The following RSPO2 variants were observed in gnomAD, a reference collection of about 807,000 sequenced individuals.
RSPO2 encodes R-spondin-2.
A neutral mutation model predicts 30.9 loss-of-function variants in RSPO2; 14 were observed. The observed-to-expected ratio is 0.45, with a 90% confidence interval of 0.30 to 0.71. RSPO2 has a LOEUF of 0.71. Among genes scored for constraint, RSPO2 ranks in the 30% least tolerant of loss-of-function variants. The pLI is 0.08. For synonymous variants in RSPO2, 107 were observed against 96.4 expected, an observed-to-expected ratio of 1.11 and a Z score of -0.64; for missense variants, 264 against 301.9, an observed-to-expected ratio of 0.87 and a Z score of 0.93.
chr8:107,930,513 G>A (rs779697980), intron 5 of RSPO2, among the ~76,000 whole-genome samples: 3 of 152,138 alleles, frequency 2.0e-5, no homozygotes, highest in Non-Finnish European at 2.9e-5. Context: ...AATGTTGTAG[G>A]TTTACTCATT....
rs1813280011 is a variant in RSPO2, at chr8:108,083,414, G to C, written c.-387C>G. 1 of 152,232 alleles carries C rather than the reference G, an allele frequency of 6.6e-6. No individual in the cohort carries two copies. Among genetic ancestry groups the C allele is most frequent in the South Asian group, 2.1e-4 (1 of 4,838 alleles). 9.4% of individuals were successfully genotyped at this position (152,232 alleles called of 1,614,324 possible). On this transcript the variant is annotated 5_prime_UTR_variant, in exon 1 of 6. Transcript: ENST00000276659. ...GCAGCCACTGGGATGCTCCGTCCCC[G>C]CCCGCGAGCGCGGTCCCCAGGCAAG...
intron 2 of RSPO2, among the ~76,000 whole-genome samples, chr8:108,057,952 T>C (rs1049648952): frequency 2.6e-5 from 4 of 152,192 alleles, no homozygotes; most frequent in African/African-American, 4.8e-5. Context: ...CTTTTCCTAA[T>C]TGAAAACCCT....
chr8:108,051,460 T>C (rs1812077616), intron 2 of RSPO2, among the ~76,000 whole-genome samples: 1 of 152,132 alleles, frequency 6.6e-6, no homozygotes, highest in Non-Finnish European at 1.5e-5. Flanking sequence ...ATGTGTAGAC[T>C]GGAAGTCAAA....
chr8:107,998,596 A>G (rs1199517203), intron 2 of RSPO2, among the ~76,000 whole-genome samples: 2 of 152,216 alleles, frequency 1.3e-5, no homozygotes, highest in African/African-American at 2.4e-5. Flanking sequence ...AATAAATACC[A>G]TGATTAAAAA....
intron 2 of RSPO2, among the ~76,000 whole-genome samples, chr8:108,010,668 A>C (rs532442706): frequency 7.0e-4 from 106 of 152,246 alleles, no homozygotes; most frequent in African/African-American, 2.4e-3. Context: ...GCAGATGCAG[A>C]AGAGTGAAGA....
chr8:108,048,933 A>T (rs1811990265), intron 2 of RSPO2, among the ~76,000 whole-genome samples: 1 of 152,186 alleles, frequency 6.6e-6, no homozygotes, highest in Admixed American at 6.6e-5. Flanking sequence ...TTTAGCCAGT[A>T]GTCATTCAGG....
chr8:108,074,436 ACAC>A (rs767134758), intron 2 of RSPO2, among the ~76,000 whole-genome samples: 4 of 152,214 alleles, frequency 2.6e-5, no homozygotes, highest in Non-Finnish European at 4.4e-5. Flanking sequence ...ACATGCACAC[ACAC>A]ATTTGTTCTG....
rs1405295914 is a variant in RSPO2 at position 107,989,231 on chromosome 8, T to G, written c.108A>C (p.Ser36=). The change falls in exon 3 of 6, where the codon TCA becomes TCC. Residue 36 remains serine (S), a synonymous_variant. Coordinates refer to ENST00000276659, the MANE Select transcript of RSPO2 (RefSeq NM_178565.5). The stretch of plus-strand genomic sequence containing the variant: ...ACAAACAACCCTTGCAAATGGGATT[T>G]GATACATAACTAGCTGTAAAAGAAA... The part of the protein sequence containing the change: ...WRRSKRASYV[S]NPICKGCLSC... The G allele has an allele frequency of 6.4e-7, 1 of 1,570,520 alleles. No individual in the cohort carries two copies. The highest frequency in any genetic ancestry group is 1.4e-5 in the African/African-American group (1 of 72,298).
intron 3 of RSPO2, 64 bp downstream of exon 3, chr8:107,988,992 C>CA: frequency 2.2e-6 from 3 of 1,382,136 alleles, no homozygotes; most frequent in Non-Finnish European, 3.0e-6. Context: ...TCAAAATCTT[C>CA]AACTTAGCTC....
At chr8:108,047,559 A>C (rs1197257994) in intron 2 of RSPO2, among the ~76,000 whole-genome samples, 1 of 152,138 alleles carries the variant, frequency 6.6e-6, no homozygotes, top group Non-Finnish European at 1.5e-5. Flanking sequence ...GCCTTTTGGA[A>C]GCCTGTGGTC....
At chr8:108,008,024 C>T (rs753770194) in intron 2 of RSPO2, among the ~76,000 whole-genome samples, 31 of 152,266 alleles carry the variant, frequency 2.0e-4, no homozygotes, top group Non-Finnish European at 3.4e-4. Flanking sequence ...TAGGTTCATA[C>T]ACATAGGCAT....
chr8:108,019,941 C>T (rs973833526), intron 2 of RSPO2, among the ~76,000 whole-genome samples: 7 of 152,102 alleles, frequency 4.6e-5, no homozygotes, highest in African/African-American at 1.7e-4. Flanking sequence ...GACTAATTCT[C>T]TTCAGGGCAG....
At chr8:108,058,453 C>CAT (rs1382039064) in intron 2 of RSPO2, among the ~76,000 whole-genome samples, 2 of 152,146 alleles carry the variant, frequency 1.3e-5, no homozygotes, top group East Asian at 3.9e-4. Context: ...AATGCTATCC[C>CAT]ATCAAGCTAC....
At chr8:107,970,582 G>A (rs1813963169) in intron 3 of RSPO2, among the ~76,000 whole-genome samples, 1 of 152,190 alleles carries the variant, frequency 6.6e-6, no homozygotes, top group Admixed American at 6.5e-5. Context: ...AGATAAGCAT[G>A]AGGATGCTGG....
intron 3 of RSPO2, among the ~76,000 whole-genome samples, chr8:107,978,906 T>G (rs1814317425): frequency 1.3e-5 from 2 of 152,172 alleles, no homozygotes; most frequent in South Asian, 4.1e-4. Flanking sequence ...AAGACATTTA[T>G]GCAGCCAAAA....
intron 2 of RSPO2, among the ~76,000 whole-genome samples, chr8:108,056,019 A>C (rs1812231329): frequency 6.6e-6 from 1 of 152,170 alleles, no homozygotes; most frequent in Non-Finnish European, 1.5e-5. Flanking sequence ...CCTCAGATTC[A>C]TCTTTAAGAT....
chr8:108,074,962 A>G (rs1003258281), intron 2 of RSPO2, among the ~76,000 whole-genome samples: 2 of 152,244 alleles, frequency 1.3e-5, no homozygotes, highest in Non-Finnish European at 2.9e-5. Flanking sequence ...ACACATCTGT[A>G]TCTCTCATGG....
At chr8:108,019,565 C>T (rs1810996218) in intron 2 of RSPO2, among the ~76,000 whole-genome samples, 1 of 152,136 alleles carries the variant, frequency 6.6e-6, no homozygotes, top group Non-Finnish European at 1.5e-5. Context: ...CACATGTTTA[C>T]ATGCTGCTTT....
At chr8:107,927,941 T>C (rs1812437169) in intron 5 of RSPO2, among the ~76,000 whole-genome samples, 1 of 152,122 alleles carries the variant, frequency 6.6e-6, no homozygotes. Flanking sequence ...CTGTTTTGTT[T>C]ACACCAATGG....
Sources: gnomAD v4.1 joint callset for allele counts (sites outside exome capture counted in the v4.1 genomes callset) on GRCh38, gnomAD v4.1.1 for gene constraint, MANE v1.5 for transcripts, NCBI Gene and HGNC (gene_info 2026-07-23, HGNC 2026-07-21) for gene names.